The following TMC1 variants were observed in gnomAD, a reference collection of about 807,000 sequenced individuals.
The protein encoded by TMC1 is transmembrane channel-like protein 1.
TMC1 carries 84 observed loss-of-function variants against 105.8 expected under a neutral mutation model. The observed-to-expected ratio is 0.79, with a 90% CI of 0.67 to 0.95. The LOEUF (loss-of-function observed/expected upper bound fraction) is 0.95, where lower values mean the gene tolerates loss of function less well. Ranked by LOEUF, TMC1 falls within the 40% of genes least tolerant of loss-of-function variation. TMC1 has a pLI of 0.00. For missense variants in TMC1, 817 were observed against 914.1 expected (o/e 0.89, Z 1.37); for synonymous variants, 315 against 311.5 (o/e 1.01, Z -0.12).
At chr9:72,772,799 T>C (rs1225473167) in intron 13 of TMC1, among the ~76,000 whole-genome samples, 1 of 152,162 alleles carries the variant, frequency 6.6e-6, no homozygotes, top group African/African-American at 2.4e-5. Flanking sequence ...CATGCCTATC[T>C]TGTGTTTAAA....
rs1417764398 is a variant in TMC1 at position 72,740,135 on chromosome 9, G to A, written c.379G>A (p.Val127Met). Residue 127 changes from valine to methionine, a missense_variant, in exon 9 of 24, where the codon GTG becomes ATG. Transcript: ENST00000297784. ...IEVLKEAKKF[V>M]SENEGALGKG... Reference sequence around the variant, plus strand: ...TTTTCTCAGGGAGGCAAAAAAATTTGTGAGTGAAAATGAAGGGGCTCTTGG... The same window carrying A: ...TTTTCTCAGGGAGGCAAAAAAATTTATGAGTGAAAATGAAGGGGCTCTTGG... 6 of 1,613,478 alleles carry A rather than the reference G, an allele frequency of 3.7e-6. 1 individual carries two copies. The Middle Eastern group carries it at 4.9e-4, about 133-fold the overall frequency.
At chr9:72,640,183 A>G (rs952512894) in intron 4 of TMC1, among the ~76,000 whole-genome samples, 3 of 152,200 alleles carry the variant, frequency 2.0e-5, no homozygotes, top group Admixed American at 6.5e-5. Flanking sequence ...GGATGCTTGT[A>G]TTATGGTGTG....
intron 10 of TMC1, among the ~76,000 whole-genome samples, chr9:72,747,142 A>G (rs1827502800): frequency 6.6e-6 from 1 of 152,132 alleles, no homozygotes; most frequent in Non-Finnish European, 1.5e-5. Context: ...ATTTTTTTTC[A>G]GACAGGAAAT....
At chr9:72,697,832 G>T (rs1431583869) in intron 7 of TMC1, among the ~76,000 whole-genome samples, 6 of 151,972 alleles carry the variant, frequency 3.9e-5, no homozygotes, top group Admixed American at 3.9e-4. Context: ...TAATCATAAA[G>T]ATTTTTTCTA....
At chr9:72,562,756 A>G (rs1824080252) in intron 1 of TMC1, among the ~76,000 whole-genome samples, 1 of 152,204 alleles carries the variant, frequency 6.6e-6, no homozygotes, top group Admixed American at 6.5e-5. Context: ...AATTGGTATA[A>G]TAACAGTTAA....
chr9:72,830,520 G>T lies in TMC1; in HGVS notation c.2199G>T (p.Lys733Asn). Reference sequence around the variant, plus strand: ...CAGCGAATCTGGATCTCAAAAAGAAGATGAAAATGGTATGATACAATTTAT... The same window carrying T: ...CAGCGAATCTGGATCTCAAAAAGAATATGAAAATGGTATGATACAATTTAT... ...QKAANLDLKK[K>N]MKMQALENKM... Residue 733 changes from lysine to asparagine, a missense_variant, in exon 22 of 24, where the codon AAG (lysine) becomes AAT (asparagine). By Grantham distance (94) the Lys-to-Asn change is moderately conservative. Transcript: ENST00000297784. The T allele has an allele frequency of 6.2e-7, 1 of 1,613,046 alleles. No homozygotes were observed.
chr9:72,722,601 T>C (rs1827046490), intron 8 of TMC1, among the ~76,000 whole-genome samples: 1 of 152,202 alleles, frequency 6.6e-6, no homozygotes, highest in African/African-American at 2.4e-5. Context: ...ACGAAACGTA[T>C]CACATAGCTC....
intron 2 of TMC1, among the ~76,000 whole-genome samples, chr9:72,590,425 T>C (rs888543194): frequency 1.3e-5 from 2 of 152,204 alleles, no homozygotes; most frequent in African/African-American, 4.8e-5. Flanking sequence ...GAAAGAGCTC[T>C]CTCCAAGCTT....
Position 72,792,186 on chromosome 9 carries a change from T to C in TMC1, c.1405-5T>C. ...CATTTTAGTTTCTATCTCTTTGCTT[T>C]CTAGATTGAAGAGGAGAAGCTAGTA... On this transcript the variant is annotated splice_polypyrimidine_tract_variant and splice_region_variant and intron_variant, in intron 16 of 23. Coordinates refer to ENST00000297784, the MANE Select transcript of TMC1 (RefSeq NM_138691.3). 6.2e-7 allele frequency: 1 copy of C among 1,614,152 alleles called. No individual in the cohort carries two copies. Among genetic ancestry groups the C allele is most frequent in the South Asian group, 1.1e-5 (1 of 91,084 alleles).
chr9:72,572,200 G>T (rs1466719662), intron 1 of TMC1, among the ~76,000 whole-genome samples: 1 of 149,858 alleles, frequency 6.7e-6, no homozygotes, highest in East Asian at 2.0e-4. Flanking sequence ...TTTATTTTTT[G>T]ATTTTTTTTT....
intron 18 of TMC1, among the ~76,000 whole-genome samples, chr9:72,809,442 G>A (rs1390327152): frequency 6.6e-6 from 1 of 152,160 alleles, no homozygotes; most frequent in Non-Finnish European, 1.5e-5. Context: ...AAACATTAAT[G>A]ATGGATGACG....
intron 10 of TMC1, among the ~76,000 whole-genome samples, chr9:72,744,841 C>G (rs1174700395): frequency 6.6e-6 from 1 of 152,120 alleles, no homozygotes; most frequent in East Asian, 1.9e-4. Context: ...CAAAAACAGA[C>G]AGAATTATTT....
intron 1 of TMC1, among the ~76,000 whole-genome samples, chr9:72,531,519 T>C (rs1384990493): frequency 6.6e-6 from 1 of 152,246 alleles, no homozygotes; most frequent in African/African-American, 2.4e-5. Flanking sequence ...CTGGACCAAC[T>C]GTCCCTGCTA....
chr9:72,754,967 C>T (rs2118067826), intron 12 of TMC1, 83 bp downstream of exon 12: 2 of 940,268 alleles, frequency 2.1e-6, no homozygotes, highest in South Asian at 2.6e-5. Context: ...GGCCTCCTCT[C>T]CTGGGTCAGG....
chr9:72,697,598 G>T (rs1358634273), intron 7 of TMC1, among the ~76,000 whole-genome samples: 1 of 152,040 alleles, frequency 6.6e-6, no homozygotes, highest in Non-Finnish European at 1.5e-5. Flanking sequence ...CTATTAAAGG[G>T]TCTCTGAAAG....
chr9:72,821,109 G>A (rs1033097771), intron 20 of TMC1, 28 bp downstream of exon 20: 58 of 1,614,040 alleles, frequency 3.6e-5, no homozygotes, highest in Non-Finnish European at 4.9e-5. Context: ...TTTGACTCAG[G>A]CATCGTGTTC....
rs187689139 is a variant in TMC1, at chr9:72,797,268, A to G, written c.1566+4916A>G. On this transcript the variant is annotated intron_variant, in intron 17 of 23. Coordinates refer to ENST00000297784, the MANE Select transcript of TMC1 (RefSeq NM_138691.3). ...CAATGCTCATACATGGGAAGAATCAATTTTGTTAAAATGGCCATACTGCCC... is the reference window on the plus strand; with the variant it reads ...CAATGCTCATACATGGGAAGAATCAGTTTTGTTAAAATGGCCATACTGCCC... Among the ~76,000 whole-genome samples, 351 of 152,324 alleles carry G rather than the reference A, an allele frequency of 2.3e-3. 2 individuals are homozygous for G. Among genetic ancestry groups the G allele is most frequent in the African/African-American group, 7.9e-3 (330 of 41,578 alleles).
chr9:72,612,719 T>A (rs1825053392), intron 2 of TMC1, among the ~76,000 whole-genome samples: 1 of 152,214 alleles, frequency 6.6e-6, no homozygotes, highest in Non-Finnish European at 1.5e-5. Flanking sequence ...GTTTTCCATC[T>A]ACTCTATGAG....
intron 8 of TMC1, among the ~76,000 whole-genome samples, chr9:72,701,568 A>G (rs1826646955): frequency 6.6e-6 from 1 of 152,192 alleles, no homozygotes; most frequent in African/African-American, 2.4e-5. Context: ...TCCCTTCACA[A>G]GCCTATTTAA....
Sources: allele counts gnomAD v4.1 joint callset (sites outside exome capture counted in the v4.1 genomes callset), GRCh38; gene constraint gnomAD v4.1.1; transcripts MANE v1.5; gene names NCBI Gene and HGNC (gene_info 2026-07-23, HGNC 2026-07-21).